Variants in FHAD1 observed in about 807,000 individuals in gnomAD.
FHAD1 encodes the protein forkhead associated phosphopeptide binding domain 1.
A neutral mutation model predicts 191.3 loss-of-function variants in FHAD1; 146 were observed. The observed-to-expected ratio is 0.76, with a 90% CI of 0.67 to 0.88. FHAD1 has a LOEUF of 0.88. FHAD1 is among the 40% of genes least tolerant of loss of function. The probability of loss-of-function intolerance (pLI) is 0.00; values close to 1 mark genes in which losing one functional copy is unlikely to be tolerated. For synonymous variants in FHAD1, 616 were observed against 672.3 expected (o/e 0.92, Z 1.29); for missense variants, 1,635 against 1,785.8 (o/e 0.92, Z 1.52).
At chr1:15,309,129 C>A (rs564367223) in intron 7 of FHAD1, among the ~76,000 whole-genome samples, 1 of 152,330 alleles carries the variant, frequency 6.6e-6, no homozygotes, top group East Asian at 1.9e-4. Flanking sequence ...GTTTAAGGCA[C>A]CCAGCCTCTT....
At chr1:15,383,608 T>C (rs1361846062) in intron 31 of FHAD1, 2 of 302,156 alleles carry the variant, frequency 6.6e-6, no homozygotes, top group East Asian at 1.6e-4. Flanking sequence ...AGAGCCAGAC[T>C]CTCCCTTTCC....
intron 33 of FHAD1, among the ~76,000 whole-genome samples, chr1:15,392,712 A>G (rs901973781): frequency 6.6e-6 from 1 of 152,192 alleles, no homozygotes; most frequent in Non-Finnish European, 1.5e-5. Context: ...ATCCCTAACA[A>G]GCTTCAGAAC....
At chr1:15,252,395 T>C (rs1172826627) in intron 2 of FHAD1, among the ~76,000 whole-genome samples, 2 of 152,180 alleles carry the variant, frequency 1.3e-5, no homozygotes, top group African/African-American at 4.8e-5. Flanking sequence ...GAAGGGATAA[T>C]AACTTTGGGA....
At chr1:15,271,805 G>A (rs1656147326) in intron 2 of FHAD1, among the ~76,000 whole-genome samples, 2 of 152,212 alleles carry the variant, frequency 1.3e-5, no homozygotes, top group South Asian at 2.1e-4. Flanking sequence ...TATAAGTAAC[G>A]GTAATGGCTT....
intron 2 of FHAD1, among the ~76,000 whole-genome samples, chr1:15,262,730 GGCTACTGTGAATAATGTGAATAATGC>G (rs1422204537): frequency 3.3e-5 from 5 of 152,138 alleles, no homozygotes; most frequent in Admixed American, 6.5e-5. Flanking sequence ...TTCACCATTT[GGCTACTGTGAATAATGTGAATAATGC>G]TGCTAGGAAC....
rs148756441 is a variant in FHAD1 at position 15,238,116 on chromosome 1, G to A, written c.-15+1355G>A. ...ATAAAAATTAGACAGGCATGGTGGC[G>A]CACACCTGTAACCCCAGCTACTCAG... On this transcript the variant is annotated intron_variant, in intron 1 of 33. Coordinates refer to the FHAD1 transcript ENST00000683790. 4.6e-3 allele frequency among the ~76,000 whole-genome samples: 704 copies of A among 151,802 alleles called. 3 individuals are homozygous for A. The highest frequency in any genetic ancestry group is 0.016 in the African/African-American group (664 of 41,328).
Position 15,291,418 on chromosome 1 carries a change from A to G in FHAD1, c.568+1752A>G, listed in dbSNP as rs186020405. On this transcript the variant is annotated intron_variant, in intron 4 of 33. Coordinates refer to ENST00000688493, the MANE Select transcript of FHAD1 (RefSeq NM_001391957.1). ...ACTCTTATTGTATATCTCTCTATCA[A>G]TCATTTTGTGAATTCATTAATTCAT... Among the ~76,000 whole-genome samples, 280 of 152,250 alleles carry G rather than the reference A, an allele frequency of 1.8e-3. 2 individuals carry two copies. Among genetic ancestry groups the G allele is most frequent in the African/African-American group, 6.5e-3 (268 of 41,534 alleles).
At chr1:15,375,374 C>A (rs1426170642) in intron 27 of FHAD1, among the ~76,000 whole-genome samples, 1 of 152,130 alleles carries the variant, frequency 6.6e-6, no homozygotes, top group African/African-American at 2.4e-5. Context: ...TAGCAAAGTC[C>A]ACCCTCAATG....
chr1:15,279,048 A>G (rs1659547313), intron 3 of FHAD1, among the ~76,000 whole-genome samples: 1 of 152,050 alleles, frequency 6.6e-6, no homozygotes, highest in African/African-American at 2.4e-5. Context: ...TTTGTTCCAA[A>G]TTTCTCCACC....
intron 2 of FHAD1, among the ~76,000 whole-genome samples, chr1:15,263,553 G>A (rs1403982423): frequency 2.5e-5 from 3 of 120,302 alleles, no homozygotes; most frequent in East Asian, 2.4e-4. Context: ...ACAGCGTCTC[G>A]CTCTGTCGCC....
chr1:15,383,930 C>G, intron 31 of FHAD1: 1 of 412,502 alleles, frequency 2.4e-6, no homozygotes, highest in Non-Finnish European at 4.9e-6. Context: ...CAGGGTTGGC[C>G]GTGAGTCCCC....
At chr1:15,352,508 C>G (rs988657239) in intron 19 of FHAD1, among the ~76,000 whole-genome samples, 1 of 152,174 alleles carries the variant, frequency 6.6e-6, no homozygotes, top group Admixed American at 6.5e-5. Context: ...CCCCACCTCC[C>G]AAAGGGCCAA....
At position 15,297,086 on chromosome 1, in the gene FHAD1, A is replaced by G. The variant is rs115096028; in HGVS notation, c.678+293A>G. 4.3e-3 allele frequency among the ~76,000 whole-genome samples: 657 copies of G among 152,328 alleles called. 10 individuals are homozygous for G. The highest frequency in any genetic ancestry group is 0.015 in the African/African-American group (633 of 41,566). ...TTTTTTAAATCACCATCACTTAACA[A>G]TGAGGAAACCGGAGCTCAGAGAGTT... On this transcript the variant is annotated intron_variant, in intron 5 of 33. Coordinates refer to ENST00000688493, the MANE Select transcript of FHAD1 (RefSeq NM_001391957.1).
Position 15,306,096 on chromosome 1 carries a change from G to C in FHAD1, c.916-2517G>C, listed in dbSNP as rs115440698. Among the ~76,000 whole-genome samples the C allele has an allele frequency of 7.7e-3, 1,173 of 152,310 alleles. 15 individuals carry two copies. The highest frequency in any genetic ancestry group is 0.027 in the African/African-American group (1,122 of 41,558). ...AGCCTGATAGCGATATGGATAATAA[G>C]GCCCAGGCTGAGGTGGTCTCCGATG... is the stretch of plus-strand genomic sequence containing the variant. On this transcript the variant is annotated intron_variant, in intron 6 of 33. Coordinates refer to ENST00000688493, the MANE Select transcript of FHAD1 (RefSeq NM_001391957.1).
chr1:15,360,534 T>C lies in FHAD1; in HGVS notation c.2793T>C (p.Asp931=), dbSNP rs1267202045. 6.4e-7 allele frequency: 1 copy of C among 1,551,636 alleles called. No homozygotes were observed. Residue 931 remains aspartate, a synonymous_variant, in exon 22 of 34, where the codon GAT becomes GAC. Coordinates refer to ENST00000688493, the MANE Select transcript of FHAD1 (RefSeq NM_001391957.1). ...LQQKMVKALQ[D]EQESQRHGFE... ...AGAAGATGGTAAAGGCCCTCCAGGA[T>C]GAGCAGGAATCACAGAGACACGGGT... is the stretch of plus-strand genomic sequence containing the variant.
chr1:15,358,625 A>G (rs771246912), intron 21 of FHAD1, among the ~76,000 whole-genome samples: 3 of 152,198 alleles, frequency 2.0e-5, no homozygotes, highest in Non-Finnish European at 4.4e-5. Flanking sequence ...CGGTGTTCTG[A>G]GATGTTGTAA....
intron 2 of FHAD1, among the ~76,000 whole-genome samples, chr1:15,252,123 A>G (rs1646857267): frequency 6.6e-6 from 1 of 152,202 alleles, no homozygotes; most frequent in South Asian, 2.1e-4. Context: ...CGCATCTGTC[A>G]CTGTCCCACC....
chr1:15,344,067 C>T (rs1687879582), intron 16 of FHAD1, among the ~76,000 whole-genome samples: 1 of 152,192 alleles, frequency 6.6e-6, no homozygotes, highest in African/African-American at 2.4e-5. Flanking sequence ...CCCTACCCTC[C>T]TTGCAGAGGG....
At chr1:15,399,262 G>A (rs948392552), downstream of FHAD1, among the ~76,000 whole-genome samples, 1 of 152,122 alleles carries the variant, frequency 6.6e-6, no homozygotes, top group Middle Eastern at 3.2e-3. Context: ...CTTACACATG[G>A]TTAGGACCTA....
Sources: allele counts gnomAD v4.1 joint callset (sites outside exome capture counted in the v4.1 genomes callset), GRCh38; gene constraint gnomAD v4.1.1; transcripts MANE v1.5; gene names NCBI Gene and HGNC (gene_info 2026-07-23, HGNC 2026-07-21).